GMDS: variants seen among roughly 807,000 people sequenced by gnomAD.
GMDS encodes the protein GDP-mannose 4,6 dehydratase.
In GMDS, 20 loss-of-function variants were observed where a neutral mutation model predicts 49.9. The ratio of observed to expected loss-of-function variants is 0.40; its 90% CI spans 0.28 to 0.58. The LOEUF is 0.58. Ranked by LOEUF, GMDS falls within the 20% of genes least tolerant of loss-of-function variation. The pLI, the probability that GMDS is intolerant of heterozygous loss-of-function variation, is 0.42. For missense variants in GMDS, 362 were observed against 481.4 expected (o/e 0.75, Z 2.32); for synonymous variants, 177 against 178.6 (o/e 0.99, Z 0.07).
In GMDS at chr6:1,950,468, G is replaced by T. The variant is rs559232310; in HGVS notation, c.643+9399C>A. Among the ~76,000 whole-genome samples the T allele has an allele frequency of 6.6e-5, 10 of 152,282 alleles. No individual in the cohort carries two copies. The East Asian group carries it at 7.7e-4, about 12-fold the overall frequency. On this transcript the variant is annotated intron_variant, in intron 6 of 10. Transcript: ENST00000380815. ...TCTTGACTTGGCTCGTGAATCAGTG[G>T]GTCACTGAGGTGAGGGTTCAGCCTC...
chr6:2,119,197 C>A (rs980145807), intron 2 of GMDS, among the ~76,000 whole-genome samples: 3 of 152,164 alleles, frequency 2.0e-5, no homozygotes, highest in African/African-American at 7.2e-5. Context: ...CATATTCCAA[C>A]AGCCCAAAAT....
At chr6:2,041,169 A>G (rs1156575328) in intron 4 of GMDS, among the ~76,000 whole-genome samples, 2 of 152,228 alleles carry the variant, frequency 1.3e-5, no homozygotes, top group African/African-American at 4.8e-5. Flanking sequence ...ATGCATGTAA[A>G]TATGTATACA....
chr6:1,665,039 G>C (rs564496208), intron 9 of GMDS, among the ~76,000 whole-genome samples: 1 of 152,196 alleles, frequency 6.6e-6, no homozygotes, highest in African/African-American at 2.4e-5. Context: ...ATGACTGGTG[G>C]AAGTGGCAGT....
At chr6:1,957,625 C>T (rs917544510) in intron 6 of GMDS, among the ~76,000 whole-genome samples, 8 of 152,208 alleles carry the variant, frequency 5.3e-5, no homozygotes, top group Non-Finnish European at 8.8e-5. Context: ...AAGCCTGACG[C>T]TGCAGAACAA....
intron 7 of GMDS, among the ~76,000 whole-genome samples, chr6:1,777,761 A>G (rs1768898606): frequency 1.3e-5 from 2 of 152,370 alleles, no homozygotes; most frequent in South Asian, 2.1e-4. Context: ...AGGGATAGCA[A>G]GAGGGTATAA....
chr6:2,145,315 A>T (rs1332707494), intron 1 of GMDS, among the ~76,000 whole-genome samples: 1 of 151,864 alleles, frequency 6.6e-6, no homozygotes, highest in African/African-American at 2.4e-5. Flanking sequence ...CAGGTGGATT[A>T]CCTGAGGTCA....
chr6:1,710,139 T>A (rs1415370078), intron 9 of GMDS, among the ~76,000 whole-genome samples: 1 of 152,224 alleles, frequency 6.6e-6, no homozygotes, highest in Non-Finnish European at 1.5e-5. Flanking sequence ...CAAGAATCAC[T>A]GCTTGTCAAC....
intron 8 of GMDS, among the ~76,000 whole-genome samples, chr6:1,733,970 C>CG (rs1390725672): frequency 2.0e-5 from 3 of 152,128 alleles, no homozygotes; most frequent in African/African-American, 4.8e-5. Flanking sequence ...CAAGGGGCAT[C>CG]GGGGCGACCT....
In GMDS at chr6:1,994,069, G is replaced by A. The variant is rs536203404; in HGVS notation, c.346-33103C>T. Reference sequence around the variant, plus strand: ...AGTGACTTACAAGGAAGCCTGCAAAGGAGGCATTTAAGAACTGGTTTTATA... The same window carrying A: ...AGTGACTTACAAGGAAGCCTGCAAAAGAGGCATTTAAGAACTGGTTTTATA... On this transcript the variant is annotated intron_variant, in intron 4 of 10. Coordinates refer to ENST00000380815, the MANE Select transcript of GMDS (RefSeq NM_001500.4). 2.0e-5 allele frequency among the ~76,000 whole-genome samples: 3 copies of A among 152,306 alleles called. No individual in the cohort carries two copies. In the East Asian group the frequency reaches 5.8e-4, roughly 29 times the overall value.
intron 4 of GMDS, among the ~76,000 whole-genome samples, chr6:2,087,827 T>TA (rs1189685537): frequency 6.6e-6 from 1 of 152,196 alleles, no homozygotes; most frequent in East Asian, 1.9e-4. Context: ...GCCAGAATGT[T>TA]AGATTGAGTG....
intron 9 of GMDS, among the ~76,000 whole-genome samples, chr6:1,648,920 C>T (rs1451082389): frequency 6.6e-6 from 1 of 152,198 alleles, no homozygotes; most frequent in Non-Finnish European, 1.5e-5. Flanking sequence ...TTTTGCTCCA[C>T]ATTTCCAGAT....
At chr6:1,658,411 C>T (rs568466234) in intron 9 of GMDS, among the ~76,000 whole-genome samples, 40 of 152,368 alleles carry the variant, frequency 2.6e-4, no homozygotes, top group African/African-American at 7.2e-4. Context: ...TGCTGGCATT[C>T]GGCCCTGCGC....
chr6:2,023,542 A>G (rs568248732), intron 4 of GMDS, among the ~76,000 whole-genome samples: 1 of 152,342 alleles, frequency 6.6e-6, no homozygotes, highest in South Asian at 2.1e-4. Flanking sequence ...GACACACAGG[A>G]GCATGTGCAC....
At chr6:2,000,173 C>G (rs1179588728) in intron 4 of GMDS, among the ~76,000 whole-genome samples, 2 of 143,646 alleles carry the variant, frequency 1.4e-5, no homozygotes, top group Non-Finnish European at 3.0e-5. Context: ...GTAGCTGGGA[C>G]TACAGGCGCC....
intron 7 of GMDS, among the ~76,000 whole-genome samples, chr6:1,808,904 CTG>C (rs35317273): frequency 0.032 from 4,716 of 149,044 alleles, 129 homozygotes; most frequent in African/African-American, 0.08. Flanking sequence ...CATGCTCTCT[CTG>C]TGTGTGTGTG....
intron 9 of GMDS, among the ~76,000 whole-genome samples, chr6:1,725,273 A>C (rs1487770714): frequency 2.6e-5 from 4 of 152,364 alleles, no homozygotes; most frequent in South Asian, 2.1e-4. Flanking sequence ...TCATTAAAGC[A>C]ATAACAGCAA....
At chr6:1,797,710 T>A (rs868021595) in intron 7 of GMDS, among the ~76,000 whole-genome samples, 1 of 152,222 alleles carries the variant, frequency 6.6e-6, no homozygotes, top group African/African-American at 2.4e-5. Context: ...ATTTCACAGC[T>A]AGGATGTGTG....
intron 4 of GMDS, among the ~76,000 whole-genome samples, chr6:2,029,231 T>C (rs1488139157): frequency 2.6e-5 from 4 of 152,116 alleles, no homozygotes; most frequent in African/African-American, 9.7e-5. Context: ...TGTGTGTGTC[T>C]GTCTCTCACA....
rs1349019009 is a variant in GMDS at position 1,833,766 on chromosome 6, G to C, written c.772-91180C>G. Among the ~76,000 whole-genome samples, 2 of 152,190 alleles carry C rather than the reference G, an allele frequency of 1.3e-5. No homozygotes were observed. Among genetic ancestry groups the C allele is most frequent in the African/African-American group, 2.4e-5 (1 of 41,448 alleles). On this transcript the variant is annotated intron_variant, in intron 7 of 10. Transcript: ENST00000380815. This position sits in a 1 kb window ranked among gnomAD's most constrained non-coding sequence, Gnocchi z 4.4. ...GGGTTGAAAGATCCTCATTATTCAA[G>C]AGAAGGGAAATTTATGAAGGCAGAA...
Sources: allele counts gnomAD v4.1 joint callset (sites outside exome capture counted in the v4.1 genomes callset), GRCh38; gene constraint gnomAD v4.1.1; non-coding constraint Gnocchi (gnomAD v3.1); transcripts MANE v1.5; gene names NCBI Gene and HGNC (gene_info 2026-07-23, HGNC 2026-07-21).